Variants in HMGB1 observed in about 807,000 individuals in gnomAD.
HMGB1 encodes the protein high mobility group protein B1.
For missense variants in HMGB1, 79 were observed against 253.5 expected (o/e 0.31, Z 4.67); for synonymous variants, 81 against 84.0 (o/e 0.96, Z 0.19).
chr13:30,556,625 A>T (rs1175822752), intron 1 of HMGB1, among the ~76,000 whole-genome samples: 1 of 152,264 alleles, frequency 6.6e-6, no homozygotes, highest in Admixed American at 6.5e-5. Context: ...ATGAAACTGG[A>T]GGACATTATT....
rs1254568528 is a variant in HMGB1, at chr13:30,516,111, T to A, written c.-14-52417A>T. Reference sequence around the variant, plus strand: ...AGTGAATCTACCCATTTAATTTTTTTAATACAGCATCTCCCAAATATACTT... The same window carrying A: ...AGTGAATCTACCCATTTAATTTTTTAAATACAGCATCTCCCAAATATACTT... On this transcript the variant is annotated intron_variant, in intron 1 of 4. Coordinates refer to the HMGB1 transcript ENST00000405805. Among the ~76,000 whole-genome samples the A allele has an allele frequency of 2.0e-5, 3 of 152,260 alleles. No individual in the cohort carries two copies. The East Asian group carries it at 5.8e-4, about 29-fold the overall frequency.
chr13:30,482,887 A>G (rs1434761696), intron 1 of HMGB1, among the ~76,000 whole-genome samples: 1 of 151,916 alleles, frequency 6.6e-6, no homozygotes, highest in Non-Finnish European at 1.5e-5. Flanking sequence ...TCCCGGGCTC[A>G]AGCCATCCTC....
At chr13:30,496,082 A>G (rs1887604393) in intron 1 of HMGB1, among the ~76,000 whole-genome samples, 2 of 152,240 alleles carry the variant, frequency 1.3e-5, no homozygotes, top group Admixed American at 1.3e-4. Context: ...ATATATATTA[A>G]CTTGGAGTCA....
intron 1 of HMGB1, among the ~76,000 whole-genome samples, chr13:30,504,538 T>C (rs988969538): frequency 1.3e-5 from 2 of 152,208 alleles, no homozygotes; most frequent in Admixed American, 1.3e-4. Flanking sequence ...AAAAATTATT[T>C]ATCCAAGAGG....
chr13:30,522,463 C>T (rs1371390836), intron 1 of HMGB1, among the ~76,000 whole-genome samples: 2 of 152,016 alleles, frequency 1.3e-5, no homozygotes, highest in African/African-American at 2.4e-5. Context: ...CTGTTCCAAC[C>T]CCAGGATAGC....
At chr13:30,603,699 T>C (rs1463435886) in intron 1 of HMGB1, among the ~76,000 whole-genome samples, 1 of 152,196 alleles carries the variant, frequency 6.6e-6, no homozygotes, top group Non-Finnish European at 1.5e-5. Flanking sequence ...TGACAAATAA[T>C]AAATCATGTT....
intron 1 of HMGB1, among the ~76,000 whole-genome samples, chr13:30,523,899 C>A (rs1021381839): frequency 6.6e-6 from 1 of 152,054 alleles, no homozygotes; most frequent in African/African-American, 2.4e-5. Flanking sequence ...TGCCACCATT[C>A]CCCCACTGTT....
chr13:30,488,664 T>C (rs1246781117), intron 1 of HMGB1, among the ~76,000 whole-genome samples: 1 of 137,948 alleles, frequency 7.2e-6, no homozygotes, highest in South Asian at 2.2e-4. Flanking sequence ...ATTATTATTA[T>C]TATTATTATT....
intron 1 of HMGB1, among the ~76,000 whole-genome samples, chr13:30,583,528 C>CAAA (rs35519297): frequency 1.5e-3 from 98 of 66,512 alleles, no homozygotes; most frequent in East Asian, 2.0e-3. Flanking sequence ...ACCTGGTCTC[C>CAAA]AAAAAAAAAA....
chr13:30,532,878 A>G (rs577847914), intron 1 of HMGB1, among the ~76,000 whole-genome samples: 2 of 152,316 alleles, frequency 1.3e-5, no homozygotes, highest in East Asian at 3.9e-4. Context: ...ATCTGTGCAC[A>G]TGAGTACTTC....
intron 1 of HMGB1, among the ~76,000 whole-genome samples, chr13:30,578,963 C>A (rs764097173): frequency 1.2e-4 from 18 of 152,208 alleles, no homozygotes; most frequent in Non-Finnish European, 1.8e-4. Flanking sequence ...CAATCAGCTG[C>A]TTGCTCCTGT....
chr13:30,509,541 C>T (rs7328428), intron 1 of HMGB1, among the ~76,000 whole-genome samples: 11,545 of 152,068 alleles, frequency 0.076, 638 homozygotes, highest in African/African-American at 0.16. Context: ...CCTGGCCGTG[C>T]CCCAATATTC....
intron 1 of HMGB1, among the ~76,000 whole-genome samples, chr13:30,494,641 G>A (rs994238905): frequency 3.3e-5 from 5 of 152,318 alleles, no homozygotes; most frequent in South Asian, 2.1e-4. Context: ...AATTACAGGC[G>A]TGAGCTACTG....
At chr13:30,461,818 A>G in intron 4 of HMGB1, 1 of 558,720 alleles carries the variant, frequency 1.8e-6, no homozygotes, top group South Asian at 2.0e-5. Flanking sequence ...ACTCTATTAA[A>G]ACCAGAATGT....
At chr13:30,464,684 T>C (rs1230972522) in intron 1 of HMGB1, 11 of 966,762 alleles carry the variant, frequency 1.1e-5, no homozygotes, top group African/African-American at 1.8e-5. Context: ...GCGCACGGAA[T>C]GGCCGCTGCG....
chr13:30,596,375 G>A (rs990126048), intron 1 of HMGB1, among the ~76,000 whole-genome samples: 9 of 152,126 alleles, frequency 5.9e-5, no homozygotes, highest in South Asian at 2.1e-4. Context: ...TACCATACGC[G>A]CCTTAGCATG....
intron 1 of HMGB1, among the ~76,000 whole-genome samples, chr13:30,479,485 C>T (rs1887179127): frequency 6.6e-6 from 1 of 152,208 alleles, no homozygotes; most frequent in Non-Finnish European, 1.5e-5. Flanking sequence ...TTGTTTTTGA[C>T]TCCCCTTTCT....
At chr13:30,608,342 C>A (rs113224299) in intron 1 of HMGB1, among the ~76,000 whole-genome samples, 1 of 152,106 alleles carries the variant, frequency 6.6e-6, no homozygotes, top group African/African-American at 2.4e-5. Flanking sequence ...ACTGATTTAA[C>A]TGAAGTTGTA....
chr13:30,571,291 G>T (rs1870410052), intron 1 of HMGB1, among the ~76,000 whole-genome samples: 3 of 149,998 alleles, frequency 2.0e-5, no homozygotes, highest in South Asian at 2.1e-4. Context: ...GCAAAAAAAT[G>T]GTTTTTTTTT....
Sources: gnomAD v4.1 joint callset for allele counts (sites outside exome capture counted in the v4.1 genomes callset) on GRCh38, gnomAD v4.1.1 for gene constraint, MANE v1.5 for transcripts, NCBI Gene and HGNC (gene_info 2026-07-23, HGNC 2026-07-21) for gene names.